AJUBA: variants seen among roughly 807,000 people sequenced by gnomAD.
The protein encoded by AJUBA is LIM domain-containing protein ajuba.
AJUBA carries 20 observed loss-of-function variants against 53.3 expected under a neutral mutation model. That is an observed-to-expected ratio of 0.38 (90% CI 0.26 to 0.55). The LOEUF (loss-of-function observed/expected upper bound fraction) is 0.55. Ranked by LOEUF, AJUBA falls within the 20% of genes least tolerant of loss-of-function variation. The pLI is 0.80. For synonymous variants in AJUBA, 296 were observed against 306.2 expected, an observed-to-expected ratio of 0.97 and a Z score of 0.35; for missense variants, 580 against 730.5, an observed-to-expected ratio of 0.79 and a Z score of 2.38.
At chr14:22,974,145 G>A (rs1361854236) in intron 6 of AJUBA, 30 bp from the exon 7 acceptor site, 1 of 1,613,348 alleles carries the variant, frequency 6.2e-7, no homozygotes, top group African/African-American at 1.3e-5. Context: ...ATGGAGATGA[G>A]AGCAGCATGT....
chr14:22,981,922 G>C lies in AJUBA; in HGVS notation c.345C>G (p.Ala115=). 1 of 1,556,248 alleles carries C rather than the reference G, an allele frequency of 6.4e-7. No individual in the cohort carries two copies. The highest frequency in any genetic ancestry group is 1.2e-5 in the South Asian group (1 of 84,618). ...LPPDFRLEPT[A]PALSPRSSFA... is the part of the protein sequence containing the mutation. Reference sequence around the variant, plus strand: ...AGCTAGAGCGGGGGCTGAGGGCCGGGGCCGTGGGCTCCAGCCGAAAATCGG... The same window carrying C: ...AGCTAGAGCGGGGGCTGAGGGCCGGCGCCGTGGGCTCCAGCCGAAAATCGG... The change falls in exon 1 of 8, where the codon GCC becomes GCG. Residue 115 remains alanine, a synonymous_variant. Coordinates refer to ENST00000262713, the MANE Select transcript of AJUBA (RefSeq NM_032876.6).
chr14:22,973,430 C>G lies in AJUBA; in HGVS notation c.*13G>C. On this transcript the variant is annotated 3_prime_UTR_variant, in exon 8 of 8. Transcript: ENST00000262713. ...TTTGTCTGCAGGGTGACAGCAGCAG[C>G]AGTGATTGCAGCTCAGATATAGTTG... 1 of 1,601,576 alleles carries G rather than the reference C, an allele frequency of 6.2e-7. No homozygotes were observed. The highest frequency in any genetic ancestry group is 1.3e-5 in the African/African-American group (1 of 74,822).
At chr14:22,981,183 A>G (rs1162933171) in intron 1 of AJUBA, 78 bp downstream of exon 1, 2 of 1,494,786 alleles carry the variant, frequency 1.3e-6, no homozygotes, top group Non-Finnish European at 1.8e-6. Flanking sequence ...GGGCACCGGC[A>G]CTTTGGGCCG....
At chr14:22,974,681 C>T in intron 6 of AJUBA, 158 bp downstream of exon 6, 4 of 791,458 alleles carry the variant, frequency 5.1e-6, no homozygotes, top group South Asian at 1.9e-5. Flanking sequence ...ATATTAGGGT[C>T]AGGGTGGTGA....
rs776663237 is a variant in AJUBA at position 22,975,021 on chromosome 14, G to A, written c.1323C>T (p.Phe441=). 2 of 1,614,248 alleles carry A rather than the reference G, an allele frequency of 1.2e-6. No individual in the cohort carries two copies. The highest frequency in any genetic ancestry group is 1.7e-6 in the Non-Finnish European group (2 of 1,180,044). Residue 441 remains phenylalanine, a synonymous_variant, in exon 5 of 8, where the codon TTC becomes TTT. Transcript: ENST00000262713. ...ATACTTGGTTGGAGAAGTCCACTGT[G>A]AAGGGGATGCCATCCAGGCACTTGT... The part of the protein sequence containing the change: ...VCNKCLDGIP[F]TVDFSNQVYC...
intron 2 of AJUBA, chr14:22,977,366 G>A (rs907215387): frequency 8.3e-6 from 2 of 239,796 alleles, no homozygotes; most frequent in Non-Finnish European, 6.7e-6. Context: ...GACAAGGCAG[G>A]ACAATTCCCC....
In AJUBA at chr14:22,973,356, T is replaced by G. The variant is rs2045002416; in HGVS notation, c.*87A>C. The G allele has an allele frequency of 6.5e-7, 1 of 1,533,690 alleles. No homozygotes were observed. The highest frequency in any genetic ancestry group is 8.8e-7 in the Non-Finnish European group (1 of 1,134,994). On this transcript the variant is annotated 3_prime_UTR_variant, in exon 8 of 8. Coordinates refer to ENST00000262713, the MANE Select transcript of AJUBA (RefSeq NM_032876.6). Reference sequence around the variant, plus strand: ...GGACTCTTCTGCCAGGCCTGCAGAGTGCATTCTTTGCCTTGGCTGGCCTCA... The same window carrying G: ...GGACTCTTCTGCCAGGCCTGCAGAGGGCATTCTTTGCCTTGGCTGGCCTCA...
In AJUBA at chr14:22,980,652, A is replaced by G. The variant is rs1013878620; in HGVS notation, c.1006+609T>C. On this transcript the variant is annotated intron_variant, in intron 1 of 7. Transcript: ENST00000262713. Reference sequence around the variant, plus strand: ...CAGCAGTTGGGTCCCAGGGCGCTCCATCCTGTCTCCCAGGCTCCATTTCCC... The same window carrying G: ...CAGCAGTTGGGTCCCAGGGCGCTCCGTCCTGTCTCCCAGGCTCCATTTCCC... 4.1e-5 allele frequency: 40 copies of G among 985,232 alleles called. 1 individual carries two copies. The highest frequency in any genetic ancestry group is 5.2e-4 in the Middle Eastern group (1 of 1,914). 61.0% of individuals were successfully genotyped at this position (985,232 alleles called of 1,614,324 possible).
intron 7 of AJUBA, 116 bp from the exon 8 acceptor site, chr14:22,973,684 TGGGAA>T: frequency 7.0e-7 from 1 of 1,424,850 alleles, no homozygotes; most frequent in Non-Finnish European, 9.5e-7. Context: ...AGGGATGGGG[TGGGAA>T]GGGAAGGATG....
chr14:22,973,700 GA>G lies in AJUBA; in HGVS notation c.1492-133del, dbSNP rs979731640. 3 of 1,236,066 alleles carry G rather than the reference GA, an allele frequency of 2.4e-6. No individual in the cohort carries two copies. The African/African-American group carries it at 4.5e-5, about 19-fold the overall frequency. The allele number at this position is 1,236,066 out of a possible 1,614,324, so 76.6% of individuals were successfully genotyped here. ...GGGATGGGGTGGGAAGGGAAGGATG[GA>G]AGGGATGGAAGAGCAATCTGAGAAA... On this transcript the variant is annotated intron_variant, in intron 7 of 7. Coordinates refer to ENST00000262713, the MANE Select transcript of AJUBA (RefSeq NM_032876.6).
chr14:22,978,619 A>G, intron 1 of AJUBA, 174 bp from the exon 2 acceptor site: 2 of 1,397,826 alleles, frequency 1.4e-6, no homozygotes, highest in Non-Finnish European at 1.9e-6. Context: ...GGCTGAGCAG[A>G]TCCATTCTTG....
intron 2 of AJUBA, chr14:22,977,322 G>T: frequency 1.9e-6 from 1 of 524,836 alleles, no homozygotes; most frequent in Non-Finnish European, 2.4e-6. Flanking sequence ...CAGAGTCACT[G>T]GGGTAAGAGA....
intron 3 of AJUBA, 42 bp downstream of exon 3, chr14:22,976,603 C>A: frequency 6.2e-7 from 1 of 1,613,128 alleles, no homozygotes; most frequent in Non-Finnish European, 8.5e-7. Context: ...AGAAGGGGGT[C>A]AGTATGGAAA....
intron 2 of AJUBA, among the ~76,000 whole-genome samples, chr14:22,978,064 G>A (rs1162509286): frequency 6.6e-6 from 1 of 151,796 alleles, no homozygotes; most frequent in African/African-American, 2.4e-5. Context: ...GCAAGTCCAG[G>A]ATGGGCAAGC....
Position 22,982,024 on chromosome 14 carries a change from C to T in AJUBA, c.243G>A (p.Glu81=). The change falls in exon 1 of 8, where the codon GAG becomes GAA. Residue 81 remains glutamate (E), a synonymous_variant. Coordinates refer to ENST00000262713, the MANE Select transcript of AJUBA (RefSeq NM_032876.6). ...DAERNQRGSF[E]APRYEGSFPA... ...GAAAAGAGCCTTCGTAGCGCGGCGC[C>T]TCAAAGGAGCCGCGCTGATTTCGCT... 1.3e-6 allele frequency: 2 copies of T among 1,590,760 alleles called. No homozygotes were observed. Among genetic ancestry groups the T allele is most frequent in the Non-Finnish European group, 1.7e-6 (2 of 1,173,004 alleles).
rs1393421474 is a variant in AJUBA, at chr14:22,982,189, C to G, written c.78G>C (p.Gly26=). The G allele has an allele frequency of 1.2e-6, 2 of 1,613,796 alleles. No individual in the cohort carries two copies. Among genetic ancestry groups the G allele is most frequent in the Admixed American group, 3.3e-5 (2 of 59,990 alleles). Residue 26 remains glycine (G), a synonymous_variant, in exon 1 of 8, where the codon GGG becomes GGC. Transcript: ENST00000262713. The stretch of plus-strand genomic sequence containing the variant: ...TGCCCGGCCCGGGGGTCCCGTCAGA[C>G]CCAGACCGGCTAGATTCACCCTTTC... ...GRRKGESSRS[G]SDGTPGPGKG... is the part of the protein sequence containing the mutation.
chr14:22,975,238 G>T, intron 4 of AJUBA, 134 bp from the exon 5 acceptor site: 1 of 1,275,108 alleles, frequency 7.8e-7, no homozygotes. Context: ...ATGTAATGTC[G>T]GTGAAGAAGT....
Position 22,981,958 on chromosome 14 carries a change from C to G in AJUBA, c.309G>C (p.Gln103His), listed in dbSNP as rs1472840208. The G allele has an allele frequency of 6.3e-7, 1 of 1,577,122 alleles. No homozygotes were observed. The highest frequency in any genetic ancestry group is 2.3e-5 in the East Asian group (1 of 44,120). Residue 103 changes from glutamine (Q) to histidine (H), a missense_variant, in exon 1 of 8, where the codon CAG becomes CAC. Physicochemically the swap from Gln to His is conservative, Grantham distance 24. Coordinates refer to ENST00000262713, the MANE Select transcript of AJUBA (RefSeq NM_032876.6). ...CCAGCCGAAAATCGGGGGGCAACGA[C>G]TGAGGTAGAGGCAAGGCCCGGGTGG... ...PPPTRALPLP[Q>H]SLPPDFRLEP...
chr14:22,973,532 A>G lies in AJUBA; in HGVS notation c.1528T>C (p.Cys510Arg), dbSNP rs1164444838. The change falls in exon 8 of 8, where the codon TGC becomes CGC. Residue 510 changes from cysteine (C) to arginine (R), a missense_variant. This residue lies in a region of AJUBA where 150 missense variants were observed against 259.0 expected (regional missense o/e 0.58). Coordinates refer to ENST00000262713, the MANE Select transcript of AJUBA (RefSeq NM_032876.6). ...AAGTGCCCATCCAGAGGGAAACAGC[A>G]GCAGCCTTCCTCATCACTCAGCTGC... The part of the protein sequence containing the change: ...RMQLSDEEGC[C>R]CFPLDGHLLC... The G allele has an allele frequency of 6.2e-7, 1 of 1,614,218 alleles. No individual in the cohort carries two copies. Among genetic ancestry groups the G allele is most frequent in the Non-Finnish European group, 8.5e-7 (1 of 1,180,030 alleles).
Sources: allele counts gnomAD v4.1 joint callset (sites outside exome capture counted in the v4.1 genomes callset), GRCh38; gene constraint gnomAD v4.1.1; regional missense constraint gnomAD v4.1.1; transcripts MANE v1.5; gene names NCBI Gene and HGNC (gene_info 2026-07-23, HGNC 2026-07-21).